GALNTL6: variants seen among roughly 807,000 people sequenced by gnomAD.
The protein encoded by GALNTL6 is polypeptide N-acetylgalactosaminyltransferase-like 6.
A neutral mutation model predicts 73.7 loss-of-function variants in GALNTL6; 46 were observed. The ratio of observed to expected loss-of-function variants is 0.62; its 90% CI spans 0.49 to 0.80. GALNTL6 has a LOEUF of 0.80. GALNTL6 is among the 30% of genes least tolerant of loss of function. The pLI is 0.00. For missense variants in GALNTL6, 604 were observed against 755.0 expected (o/e 0.80, Z 2.34); for synonymous variants, 259 against 263.7 (o/e 0.98, Z 0.17).
At chr4:172,742,313 C>G (rs1352640717) in intron 5 of GALNTL6, among the ~76,000 whole-genome samples, 3 of 151,786 alleles carry the variant, frequency 2.0e-5, no homozygotes, top group Non-Finnish European at 4.4e-5. Context: ...CACAGATGAT[C>G]TCTTGTATCC....
intron 5 of GALNTL6, among the ~76,000 whole-genome samples, chr4:172,395,121 T>C (rs1291416484): frequency 6.6e-6 from 1 of 152,178 alleles, no homozygotes; most frequent in African/African-American, 2.4e-5. Flanking sequence ...TTTAGAAGCA[T>C]TCTATATTTA....
At chr4:172,598,087 T>G (rs943258573) in intron 5 of GALNTL6, among the ~76,000 whole-genome samples, 3 of 152,088 alleles carry the variant, frequency 2.0e-5, no homozygotes, top group Non-Finnish European at 2.9e-5. Flanking sequence ...CTAAGGCAAA[T>G]TCCCTGGTCT....
chr4:172,918,243 G>C (rs934246250), intron 8 of GALNTL6, among the ~76,000 whole-genome samples: 7 of 152,082 alleles, frequency 4.6e-5, no homozygotes, highest in Admixed American at 2.6e-4. Context: ...CTGTTGTGGG[G>C]TGGGGGGAGG....
At chr4:172,487,191 A>G (rs1031160035) in intron 5 of GALNTL6, among the ~76,000 whole-genome samples, 2 of 151,722 alleles carry the variant, frequency 1.3e-5, no homozygotes, top group Admixed American at 6.6e-5. Context: ...GAAAATCTTC[A>G]TTTTCTTTCT....
chr4:172,404,270 G>C (rs895017567), intron 5 of GALNTL6, among the ~76,000 whole-genome samples: 9 of 151,896 alleles, frequency 5.9e-5, no homozygotes, highest in African/African-American at 1.9e-4. Context: ...ACTCCCCACA[G>C]TGATTATTAC....
chr4:172,318,657 G>A (rs550187599), intron 4 of GALNTL6, among the ~76,000 whole-genome samples: 2 of 151,898 alleles, frequency 1.3e-5, no homozygotes, highest in Non-Finnish European at 2.9e-5. Flanking sequence ...AGCCAAGATC[G>A]CACCATTGCA....
chr4:172,784,693 G>T (rs1739556419), intron 5 of GALNTL6, among the ~76,000 whole-genome samples: 1 of 152,102 alleles, frequency 6.6e-6, no homozygotes, highest in Non-Finnish European at 1.5e-5. Flanking sequence ...TTTAAAATTT[G>T]CCACCTTTTC....
In GALNTL6 at chr4:172,429,429, A is replaced by G. The variant is rs1383972210; in HGVS notation, c.553+80740A>G. 5.3e-5 allele frequency among the ~76,000 whole-genome samples: 8 copies of G among 151,970 alleles called. No individual in the cohort carries two copies. The East Asian group carries it at 9.7e-4, about 18-fold the overall frequency. ...ATTTCACTATGTTGGCCAGCCTGGT[A>G]TCAAACTCCTGACCTCATGATCTGC... On this transcript the variant is annotated intron_variant, in intron 5 of 12. Coordinates refer to ENST00000506823, the MANE Select transcript of GALNTL6 (RefSeq NM_001034845.3).
In GALNTL6 at chr4:172,780,461, A is replaced by G. The variant is rs574018910; in HGVS notation, c.554-28900A>G. 3.3e-5 allele frequency among the ~76,000 whole-genome samples: 5 copies of G among 152,336 alleles called. No homozygotes were observed. The South Asian group carries it at 1.0e-3, about 32-fold the overall frequency. On this transcript the variant is annotated intron_variant, in intron 5 of 12. Transcript: ENST00000506823. ...AAATACACTACTGTAGCTTTTACACAGTATTAAAATCACAGTTTGAAGGTT... is the reference window on the plus strand; with the variant it reads ...AAATACACTACTGTAGCTTTTACACGGTATTAAAATCACAGTTTGAAGGTT...
chr4:171,859,701 T>A (rs1003723426), intron 2 of GALNTL6, among the ~76,000 whole-genome samples: 2 of 152,188 alleles, frequency 1.3e-5, no homozygotes, highest in Non-Finnish European at 1.5e-5. Flanking sequence ...TGACAGCACA[T>A]GCTAAGTGTC....
At chr4:172,606,675 A>AGTGT (rs1738311293) in intron 5 of GALNTL6, among the ~76,000 whole-genome samples, 1 of 38,806 alleles carries the variant, frequency 2.6e-5, no homozygotes, top group African/African-American at 5.2e-5. Flanking sequence ...ATATATATAT[A>AGTGT]CTATATATAT....
intron 5 of GALNTL6, among the ~76,000 whole-genome samples, chr4:172,432,168 T>A (rs1171717420): frequency 2.0e-5 from 3 of 151,994 alleles, no homozygotes; most frequent in Non-Finnish European, 2.9e-5. Context: ...AGAAATGAGT[T>A]TAAATCACAC....
intron 7 of GALNTL6, among the ~76,000 whole-genome samples, chr4:172,850,487 C>G (rs1309909365): frequency 6.6e-6 from 1 of 152,154 alleles, no homozygotes. Context: ...CTTCTACATT[C>G]ACGCTTATCA....
intron 7 of GALNTL6, among the ~76,000 whole-genome samples, chr4:172,829,319 G>A (rs1320009883): frequency 6.6e-6 from 1 of 152,186 alleles, no homozygotes; most frequent in Non-Finnish European, 1.5e-5. Flanking sequence ...CCTACTATTT[G>A]TTGGATGAAG....
rs532343700 is a variant in GALNTL6 at position 172,614,127 on chromosome 4, T to C, written c.554-195234T>C. 2.7e-5 allele frequency among the ~76,000 whole-genome samples: 4 copies of C among 148,130 alleles called. No homozygotes were observed. In the South Asian group the frequency reaches 8.6e-4, roughly 32 times the overall value. On this transcript the variant is annotated intron_variant, in intron 5 of 12. Coordinates refer to ENST00000506823, the MANE Select transcript of GALNTL6 (RefSeq NM_001034845.3). Reference sequence around the variant, plus strand: ...CTCTCACTCTGTCTTTATCTATCTATCTATCTATCATCTATCTGTCATTCT... The same window carrying C: ...CTCTCACTCTGTCTTTATCTATCTACCTATCTATCATCTATCTGTCATTCT...
At chr4:172,292,463 A>C (rs902805332) in intron 3 of GALNTL6, among the ~76,000 whole-genome samples, 2 of 152,122 alleles carry the variant, frequency 1.3e-5, no homozygotes, top group Non-Finnish European at 2.9e-5. Context: ...ACAATCCATA[A>C]TTTCTGTAAA....
rs995051222 is a variant in GALNTL6 at position 171,987,344 on chromosome 4, T to C, written c.138+172626T>C. On this transcript the variant is annotated intron_variant, in intron 2 of 12. Transcript: ENST00000506823. ...TGAAAAACTGCTTGGCTGATTTGACTAATAAAGGCTGGTCTATTATCAGAC... is the reference window on the plus strand; with the variant it reads ...TGAAAAACTGCTTGGCTGATTTGACCAATAAAGGCTGGTCTATTATCAGAC... Among the ~76,000 whole-genome samples the C allele has an allele frequency of 2.0e-5, 3 of 152,274 alleles. No homozygotes were observed. The East Asian group carries it at 5.8e-4, about 29-fold the overall frequency.
chr4:172,027,588 A>C (rs1193019797), intron 2 of GALNTL6, among the ~76,000 whole-genome samples: 1 of 152,072 alleles, frequency 6.6e-6, no homozygotes, highest in Non-Finnish European at 1.5e-5. Context: ...AGTCCAACTA[A>C]GAACCCTCTA....
chr4:172,908,012 C>T (rs1338758557), intron 8 of GALNTL6, among the ~76,000 whole-genome samples: 1 of 152,166 alleles, frequency 6.6e-6, no homozygotes, highest in East Asian at 1.9e-4. Context: ...ACAAGTACTG[C>T]AGCAATGTCA....
Sources: allele counts gnomAD v4.1 joint callset (sites outside exome capture counted in the v4.1 genomes callset), GRCh38; gene constraint gnomAD v4.1.1; transcripts MANE v1.5; gene names NCBI Gene and HGNC (gene_info 2026-07-23, HGNC 2026-07-21).